The following HOXB6 variants were observed in gnomAD, a reference collection of about 807,000 sequenced individuals.
HOXB6 encodes homeobox B6.
A neutral mutation model predicts 24.2 loss-of-function variants in HOXB6; 18 were observed. The ratio of observed to expected loss-of-function variants is 0.74; its 90% CI spans 0.51 to 1.10. The LOEUF is 1.10. Ranked by LOEUF, HOXB6 falls within the 50% of genes least tolerant of loss-of-function variation. The pLI is 0.00. For missense variants in HOXB6, 332 were observed against 308.3 expected, an observed-to-expected ratio of 1.08 and a Z score of -0.58; for synonymous variants, 159 against 139.1, an observed-to-expected ratio of 1.14 and a Z score of -1.01.
chr17:48,597,519 T>TC (rs2070335500), intron 3 of HOXB6, among the ~76,000 whole-genome samples: 1 of 152,094 alleles, frequency 6.6e-6, no homozygotes, highest in Non-Finnish European at 1.5e-5. Context: ...TCCCCATGGC[T>TC]CCCAGTGCGG....
intron 3 of HOXB6, among the ~76,000 whole-genome samples, chr17:48,597,337 C>T (rs746215156): frequency 2.0e-5 from 3 of 152,174 alleles, no homozygotes; most frequent in Non-Finnish European, 2.9e-5. Flanking sequence ...TACCCCCTTG[C>T]ATGACGCACT....
At position 48,598,021 on chromosome 17, in the gene HOXB6, C is replaced by G. The variant is rs2070360938; in HGVS notation, c.130G>C (p.Gly44Arg). The G allele has an allele frequency of 1.3e-6, 2 of 1,597,606 alleles. No homozygotes were observed. Among genetic ancestry groups the G allele is most frequent in the African/African-American group, 1.3e-5 (1 of 74,636 alleles). Residue 44 changes from glycine (G) to arginine (R), a missense_variant, in exon 3 of 4, where the codon GGG (glycine) becomes CGG (arginine). Coordinates refer to ENST00000225648, the MANE Select transcript of HOXB6 (RefSeq NM_018952.5). ...DPLRHYPAPY[G>R]PGPGQDKGFA... Reference sequence around the variant, plus strand: ...CCCTTGTCCTGGCCCGGCCCTGGCCCGTAGGGCGCGGGGTAATGTCTCAGC... The same window carrying G: ...CCCTTGTCCTGGCCCGGCCCTGGCCGGTAGGGCGCGGGGTAATGTCTCAGC...
chr17:48,600,642 C>T (rs1277656944), intron 2 of HOXB6: 9 of 423,704 alleles, frequency 2.1e-5, no homozygotes, highest in Non-Finnish European at 9.5e-6. Flanking sequence ...GAGCCAGATC[C>T]CTACGAATCT....
At position 48,597,962 on chromosome 17, in the gene HOXB6, G is replaced by A; in HGVS notation, c.189C>T (p.Gly63=). The change falls in exon 3 of 4, where the codon GGC becomes GGT. Residue 63 remains glycine (G), a synonymous_variant. Coordinates refer to ENST00000225648, the MANE Select transcript of HOXB6 (RefSeq NM_018952.5). Reference sequence around the variant, plus strand: ...AGGGCGCCGCTCGGCCGTAGCCACCGCCCGCCGGCGGGTAATAGGAGGAAG... The same window carrying A: ...AGGGCGCCGCTCGGCCGTAGCCACCACCCGCCGGCGGGTAATAGGAGGAAG... ...FATSSYYPPA[G]GGYGRAAPCD... 2.5e-6 allele frequency: 4 copies of A among 1,576,342 alleles called. No individual in the cohort carries two copies. The highest frequency in any genetic ancestry group is 1.2e-5 in the South Asian group (1 of 86,758).
chr17:48,601,938 C>T (rs371447341), intron 2 of HOXB6: 1 of 379,590 alleles, frequency 2.6e-6, no homozygotes. Context: ...ATAGCCTAGC[C>T]CTGGCCACCC....
Position 48,597,929 on chromosome 17 carries a change from G to C in HOXB6, c.222C>G (p.Tyr74Ter). Residue 74 changes from tyrosine to a stop codon, truncating the protein, a stop_gained, in exon 3 of 4, where the codon TAC becomes TAG. Transcript: ENST00000225648. LOFTEE classifies it high-confidence loss of function. ...GGYGRAAPCDYGPAPAFYREK... is the reference protein window; with the variant it reads ...GGYGRAAPCD ...CGCGGTAGAAGGCCGGCGCCGGCCCGTAGTCGCAGGGCGCCGCTCGGCCGT... is the reference window on the plus strand; with the variant it reads ...CGCGGTAGAAGGCCGGCGCCGGCCCCTAGTCGCAGGGCGCCGCTCGGCCGT... 1 of 1,573,910 alleles carries C rather than the reference G, an allele frequency of 6.4e-7. No individual in the cohort carries two copies. The highest frequency in any genetic ancestry group is 8.6e-7 in the Non-Finnish European group (1 of 1,159,960).
chr17:48,598,634 C>A (rs532242880), intron 2 of HOXB6, among the ~76,000 whole-genome samples: 1 of 152,290 alleles, frequency 6.6e-6, no homozygotes, highest in East Asian at 1.9e-4. Context: ...GAAAAGTTAA[C>A]CCCTGCGTTG....
In HOXB6 at chr17:48,596,474, C is replaced by T. The variant is rs889300325; in HGVS notation, c.614G>A (p.Ser205Asn). 1.9e-6 allele frequency: 3 copies of T among 1,614,268 alleles called. No individual in the cohort carries two copies. The highest frequency in any genetic ancestry group is 1.3e-5 in the African/African-American group (1 of 75,062). The change falls in exon 4 of 4, where the codon AGC (serine) becomes AAC (asparagine). Residue 205 changes from serine to asparagine, a missense_variant. Ser to Asn is a conservative substitution (Grantham distance 46). Coordinates refer to ENST00000225648, the MANE Select transcript of HOXB6 (RefSeq NM_018952.5). This position sits in a 1 kb window ranked among gnomAD's most constrained non-coding sequence, Gnocchi z 4.8. ...GAGCTGAGACGCGCTGAGCAGTTTG[C>T]TCTCCTTTTTCCACTTCATGCGTCG... ...QNRRMKWKKESKLLSASQLSA... is the reference protein window; with the variant it reads ...QNRRMKWKKENKLLSASQLSA...
At chr17:48,600,798 C>T (rs2070442553) in intron 2 of HOXB6, among the ~76,000 whole-genome samples, 1 of 152,102 alleles carries the variant, frequency 6.6e-6, no homozygotes, top group Non-Finnish European at 1.5e-5. Flanking sequence ...GAAGTGTGTA[C>T]CAATTCTTGA....
chr17:48,600,878 G>A (rs919033088), intron 2 of HOXB6, among the ~76,000 whole-genome samples: 1 of 152,190 alleles, frequency 6.6e-6, no homozygotes, highest in African/African-American at 2.4e-5. Context: ...TATGCTGTGA[G>A]TCTGCAGTCC....
Position 48,596,296 on chromosome 17 carries a change from G to T in HOXB6, c.*117C>A. On this transcript the variant is annotated 3_prime_UTR_variant, in exon 4 of 4. Transcript: ENST00000225648. This position sits in a 1 kb window ranked among gnomAD's most constrained non-coding sequence, Gnocchi z 4.8. ...AGAGCGCTGGGCCCCGCCTGTCTGC[G>T]CCGGAGAGCAGGTCTCCTGGCTCCC... 3.3e-6 allele frequency: 5 copies of T among 1,498,968 alleles called. No homozygotes were observed. In the South Asian group the frequency reaches 3.4e-5, roughly 10 times the overall value. 92.9% of individuals were successfully genotyped at this position (1,498,968 alleles called of 1,614,324 possible). A position where few individuals can be genotyped will look rare whatever the true frequency, so the allele number is the denominator to read the frequency against.
rs1204996335 is a variant in HOXB6 at position 48,596,386 on chromosome 17, C to A, written c.*27G>T. Reference sequence around the variant, plus strand: ...TCGGCTCCCCACAGGCCTTTCCCCTCGCGTCCTCCCTCCCTTTCCAGCACC... The same window carrying A: ...TCGGCTCCCCACAGGCCTTTCCCCTAGCGTCCTCCCTCCCTTTCCAGCACC... On this transcript the variant is annotated 3_prime_UTR_variant, in exon 4 of 4. Transcript: ENST00000225648. This position sits in a 1 kb window ranked among gnomAD's most constrained non-coding sequence, Gnocchi z 4.8. 1.2e-6 allele frequency: 2 copies of A among 1,614,104 alleles called. No homozygotes were observed. Among genetic ancestry groups the A allele is most frequent in the Admixed American group, 3.3e-5 (2 of 60,012 alleles).
chr17:48,602,324 T>C, intron 2 of HOXB6: 1 of 431,296 alleles, frequency 2.3e-6, no homozygotes, highest in Non-Finnish European at 4.7e-6. Context: ...AAATAAACCT[T>C]GAACAGCCTT....
intron 2 of HOXB6, among the ~76,000 whole-genome samples, chr17:48,599,709 G>T (rs1414867363): frequency 6.6e-6 from 1 of 152,222 alleles, no homozygotes; most frequent in African/African-American, 2.4e-5. Context: ...GGGCCACAGT[G>T]CATTCCCAAC....
intron 2 of HOXB6, chr17:48,601,392 A>C (rs1464489528): frequency 6.6e-6 from 1 of 152,078 alleles, no homozygotes; most frequent in Non-Finnish European, 1.5e-5. Flanking sequence ...AGTGAGCAGT[A>C]GTGCTGAACC....
chr17:48,597,848 G>A lies in HOXB6; in HGVS notation c.303C>T (p.Pro101=), dbSNP rs1461312697. The change falls in exon 3 of 4, where the codon CCC becomes CCT. Residue 101 remains proline (P), a synonymous_variant. Coordinates refer to ENST00000225648, the MANE Select transcript of HOXB6 (RefSeq NM_018952.5). The stretch of plus-strand genomic sequence containing the variant: ...GCGCGCAGTCCGACTTCCGCGGCTC[G>A]GGGTGGAACGGGGGCTGCTCGTCGG... ...SGADEQPPFH[P]EPRKSDCAQD... 6.3e-7 allele frequency: 1 copy of A among 1,598,338 alleles called. No homozygotes were observed.
chr17:48,602,289 C>T (rs918623682), intron 2 of HOXB6: 1 of 453,832 alleles, frequency 2.2e-6, no homozygotes, highest in Admixed American at 2.4e-5. Flanking sequence ...CCTGCGGGTC[C>T]CCTCCCTTGG....
Position 48,596,422 on chromosome 17 carries a change from C to G in HOXB6, c.666G>C (p.Gln222His). Residue 222 changes from glutamine (Q) to histidine (H), a missense_variant, in exon 4 of 4, where the codon CAG (glutamine) becomes CAC (histidine). Physicochemically the swap from Gln to His is conservative, Grantham distance 24. Coordinates refer to ENST00000225648, the MANE Select transcript of HOXB6 (RefSeq NM_018952.5). This position sits in a 1 kb window ranked among gnomAD's most constrained non-coding sequence, Gnocchi z 4.8. ...QLSAEEEEEK[Q>H]AE ...TCCCTTTCCAGCACCTTCACTCGGC[C>G]TGTTTTTCTTCCTCCTCCTCGGCAC... The G allele has an allele frequency of 6.2e-7, 1 of 1,614,246 alleles. No homozygotes were observed. Among genetic ancestry groups the G allele is most frequent in the Non-Finnish European group, 8.5e-7 (1 of 1,180,036 alleles).
chr17:48,596,869 A>G lies in HOXB6; in HGVS notation c.416-197T>C. On this transcript the variant is annotated intron_variant, in intron 3 of 3. Coordinates refer to ENST00000225648, the MANE Select transcript of HOXB6 (RefSeq NM_018952.5). This position sits in a 1 kb window ranked among gnomAD's most constrained non-coding sequence, Gnocchi z 4.8. ...TCCTAGGCCTGTGCCGTCTGTCTAG[A>G]CTCTAGATGGGGGAGGGGAGGAGCA... The G allele has an allele frequency of 8.1e-7, 1 of 1,239,746 alleles. No individual in the cohort carries two copies. Among genetic ancestry groups the G allele is most frequent in the Non-Finnish European group, 1.1e-6 (1 of 916,548 alleles). 76.8% of individuals were successfully genotyped at this position (1,239,746 alleles called of 1,614,324 possible).
Sources: allele counts gnomAD v4.1 joint callset (sites outside exome capture counted in the v4.1 genomes callset), GRCh38; gene constraint gnomAD v4.1.1; non-coding constraint Gnocchi (gnomAD v3.1); transcripts MANE v1.5; gene names NCBI Gene and HGNC (gene_info 2026-07-23, HGNC 2026-07-21).